Variants in OSBPL10 observed in about 807,000 individuals in gnomAD.
OSBPL10 encodes oxysterol binding protein like 10.
OSBPL10 carries 49 observed loss-of-function variants against 81.7 expected under a neutral mutation model. The ratio of observed to expected loss-of-function variants is 0.60; its 90% CI spans 0.48 to 0.76. OSBPL10 has a LOEUF of 0.76. Among genes scored for constraint, OSBPL10 ranks in the 30% least tolerant of loss-of-function variants. The pLI is 0.00. For synonymous variants in OSBPL10, 419 were observed against 383.6 expected, an observed-to-expected ratio of 1.09 and a Z score of -1.08; for missense variants, 923 against 987.8, an observed-to-expected ratio of 0.93 and a Z score of 0.88.
chr3:32,051,045 C>G, intron 1 of OSBPL10, among the ~76,000 whole-genome samples: 1 of 152,070 alleles, frequency 6.6e-6, no homozygotes, highest in Middle Eastern at 3.2e-3. Context: ...ATTTAGAAGG[C>G]CTTTATGTTT....
intron 4 of OSBPL10, among the ~76,000 whole-genome samples, chr3:31,803,548 C>T (rs565742914): frequency 6.6e-5 from 10 of 152,028 alleles, no homozygotes; most frequent in Non-Finnish European, 1.0e-4. Flanking sequence ...TTTTGTATAC[C>T]CTTTGCGCAA....
At chr3:31,697,207 G>A (rs1049881755) in intron 7 of OSBPL10, among the ~76,000 whole-genome samples, 29 of 152,120 alleles carry the variant, frequency 1.9e-4, no homozygotes, top group African/African-American at 6.5e-4. Context: ...GAAGTCGGGC[G>A]ACCCAGTTGG....
intron 1 of OSBPL10, among the ~76,000 whole-genome samples, chr3:31,957,555 G>A (rs1004556313): frequency 2.6e-5 from 4 of 152,208 alleles, no homozygotes; most frequent in Admixed American, 6.5e-5. Context: ...CAGCACTGTT[G>A]TGAAAAAGAA....
At chr3:31,802,968 CTT>C (rs376218656) in intron 4 of OSBPL10, among the ~76,000 whole-genome samples, 18,200 of 129,266 alleles carry the variant, frequency 0.14, 1,335 homozygotes, top group African/African-American at 0.19. Flanking sequence ...GTATTGGGTC[CTT>C]TTTTTTTTTT....
chr3:32,072,034 C>T (rs181656278), intron 1 of OSBPL10, among the ~76,000 whole-genome samples: 1 of 152,296 alleles, frequency 6.6e-6, no homozygotes, highest in African/African-American at 2.4e-5. Flanking sequence ...ACTCTGCCCC[C>T]CTCTACTACC....
chr3:31,740,702 G>T (rs975265149), intron 5 of OSBPL10, among the ~76,000 whole-genome samples: 1 of 151,692 alleles, frequency 6.6e-6, no homozygotes, highest in African/African-American at 2.4e-5. Context: ...AGAAGTTCAA[G>T]GCTAGACTGC....
At chr3:31,951,526 T>C (rs906070905) in intron 1 of OSBPL10, among the ~76,000 whole-genome samples, 4 of 152,106 alleles carry the variant, frequency 2.6e-5, no homozygotes, top group African/African-American at 9.6e-5. Context: ...GGTTATATTA[T>C]CCTTCCTAGA....
chr3:31,699,748 C>T (rs1695837529), intron 7 of OSBPL10, among the ~76,000 whole-genome samples: 1 of 152,226 alleles, frequency 6.6e-6, no homozygotes, highest in Non-Finnish European at 1.5e-5. Context: ...AGATACAGCA[C>T]TATGTGCCCA....
At chr3:31,861,970 A>C (rs966881177) in intron 3 of OSBPL10, among the ~76,000 whole-genome samples, 11 of 152,116 alleles carry the variant, frequency 7.2e-5, no homozygotes, top group Non-Finnish European at 1.2e-4. Flanking sequence ...GTAGGGTAGT[A>C]AATATTTACA....
In OSBPL10 at chr3:31,871,391, C is replaced by T. The variant is rs144845819; in HGVS notation, c.537+5042G>A. On this transcript the variant is annotated intron_variant, in intron 3 of 11. Transcript: ENST00000396556. ...CTATGAACCCACCAGAAGGAAGAAA[C>T]TCCGAACACATCCAAACATCAGAAG... Among the ~76,000 whole-genome samples, 359 of 152,268 alleles carry T rather than the reference C, an allele frequency of 2.4e-3. 1 individual carries two copies. Among genetic ancestry groups the T allele is most frequent in the African/African-American group, 6.6e-3 (276 of 41,544 alleles).
At chr3:31,824,471 A>G (rs944553834) in intron 4 of OSBPL10, among the ~76,000 whole-genome samples, 1 of 152,220 alleles carries the variant, frequency 6.6e-6, no homozygotes, top group African/African-American at 2.4e-5. Context: ...ATCGTTCTTC[A>G]ACGCACTGAA....
At chr3:31,901,168 C>T (rs1218772162) in intron 1 of OSBPL10, among the ~76,000 whole-genome samples, 1 of 152,206 alleles carries the variant, frequency 6.6e-6, no homozygotes, top group Non-Finnish European at 1.5e-5. Flanking sequence ...TCTTGCTGAT[C>T]TCCCCACATC....
rs545741713 is a variant in OSBPL10 at position 31,674,713 on chromosome 3, C to T, written c.1727-3730G>A. 1.4e-3 allele frequency among the ~76,000 whole-genome samples: 215 copies of T among 152,340 alleles called. 1 individual carries two copies. Among genetic ancestry groups the T allele is most frequent in the Non-Finnish European group, 2.6e-3 (175 of 68,042 alleles). On this transcript the variant is annotated intron_variant, in intron 8 of 11. Transcript: ENST00000396556. Reference sequence around the variant, plus strand: ...AGGGGTTCCCCTTCCTCTTCCACCACGAGTGGATGTAGCCTGAGGCCCTCG... The same window carrying T: ...AGGGGTTCCCCTTCCTCTTCCACCATGAGTGGATGTAGCCTGAGGCCCTCG...
At chr3:31,845,853 C>T (rs1700615636) in intron 3 of OSBPL10, among the ~76,000 whole-genome samples, 1 of 152,156 alleles carries the variant, frequency 6.6e-6, no homozygotes, top group Non-Finnish European at 1.5e-5. Flanking sequence ...TGGATTGCTA[C>T]CATTTCAGGT....
chr3:31,889,346 C>A (rs1185362101), intron 1 of OSBPL10, among the ~76,000 whole-genome samples: 1 of 152,132 alleles, frequency 6.6e-6, no homozygotes, highest in Non-Finnish European at 1.5e-5. Context: ...GACATCTGCA[C>A]CCCCACGTTT....
chr3:31,818,035 G>A (rs1164779519), intron 4 of OSBPL10, among the ~76,000 whole-genome samples: 1 of 152,186 alleles, frequency 6.6e-6, no homozygotes, highest in Non-Finnish European at 1.5e-5. Context: ...GAGCCTGGGA[G>A]GTGGAAGTAG....
chr3:31,980,433 A>T (rs1338553141), intron 1 of OSBPL10, among the ~76,000 whole-genome samples: 2 of 152,222 alleles, frequency 1.3e-5, no homozygotes, highest in East Asian at 3.8e-4. Flanking sequence ...GTGTTCTGAA[A>T]CACCAAACTT....
chr3:31,946,089 TC>T (rs1173879371), intron 1 of OSBPL10, among the ~76,000 whole-genome samples: 2 of 152,080 alleles, frequency 1.3e-5, no homozygotes, highest in African/African-American at 2.4e-5. Flanking sequence ...CAAGTGATTC[TC>T]CTGCCTCAGC....
chr3:31,876,446 T>C lies in OSBPL10; in HGVS notation c.524A>G (p.Glu175Gly). Residue 175 changes from glutamate (E) to glycine (G), a missense_variant, in exon 3 of 12, where the codon GAA (glutamate) becomes GGA (glycine). Glu to Gly is a moderately conservative substitution (Grantham distance 98). This residue lies in a region of OSBPL10 where 514 missense variants were observed against 508.0 expected (regional missense o/e 1.01). Transcript: ENST00000396556. Reference sequence around the variant, plus strand: ...ACGGTGACTTACCTTAGAATTCATTTCCATGTGGTATTTGGCACAAGCTCG... The same window carrying C: ...ACGGTGACTTACCTTAGAATTCATTCCCATGTGGTATTTGGCACAAGCTCG... ...QLRACAKYHMEMNSKSAPSSR... is the reference protein window; with the variant it reads ...QLRACAKYHMGMNSKSAPSSR... The C allele has an allele frequency of 6.2e-7, 1 of 1,612,356 alleles. No individual in the cohort carries two copies. The highest frequency in any genetic ancestry group is 8.5e-7 in the Non-Finnish European group (1 of 1,178,346).
Sources: allele counts gnomAD v4.1 joint callset (sites outside exome capture counted in the v4.1 genomes callset), GRCh38; gene constraint gnomAD v4.1.1; regional missense constraint gnomAD v4.1.1; transcripts MANE v1.5; gene names NCBI Gene and HGNC (gene_info 2026-07-23, HGNC 2026-07-21).